Variants in TAFA1 observed in about 807,000 individuals in gnomAD.
TAFA1 encodes the protein TAFA chemokine like family member 1.
In TAFA1, 4 loss-of-function variants were observed where a neutral mutation model predicts 18.5. That is an observed-to-expected ratio of 0.22 (90% confidence interval 0.11 to 0.49). TAFA1 has a LOEUF of 0.49. TAFA1 is among the 20% of genes least tolerant of loss of function. The pLI is 0.98. For synonymous variants in TAFA1, 56 were observed against 55.2 expected, an observed-to-expected ratio of 1.01 and a Z score of -0.06; for missense variants, 147 against 169.0, an observed-to-expected ratio of 0.87 and a Z score of 0.72.
At chr3:68,329,240 G>GTTTTTTTTTTTA (rs2068825498) in intron 2 of TAFA1, among the ~76,000 whole-genome samples, 1 of 55,622 alleles carries the variant, frequency 1.8e-5, no homozygotes, top group Non-Finnish European at 3.5e-5. Context: ...TTTTTTTTTT[G>GTTTTTTTTTTTA]TATTTTTAGT....
intron 2 of TAFA1, among the ~76,000 whole-genome samples, chr3:68,245,770 C>A (rs560352035): frequency 6.6e-6 from 1 of 152,364 alleles, no homozygotes; most frequent in Non-Finnish European, 1.5e-5. Context: ...CCTGCAAGTA[C>A]AGATCACAAA....
intron 3 of TAFA1, among the ~76,000 whole-genome samples, chr3:68,440,403 G>T (rs7612676): frequency 0.66 from 99,619 of 151,996 alleles, 33,214 homozygotes; most frequent in African/African-American, 0.77. Flanking sequence ...AAATTTTAGG[G>T]CACATGATAA....
intron 2 of TAFA1, among the ~76,000 whole-genome samples, chr3:68,121,741 C>T (rs2065401866): frequency 6.6e-6 from 1 of 152,090 alleles, no homozygotes; most frequent in Non-Finnish European, 1.5e-5. Flanking sequence ...CTAGATCTAT[C>T]AAAACGTAGC....
chr3:68,342,328 T>C (rs1313949319), intron 2 of TAFA1, among the ~76,000 whole-genome samples: 1 of 152,222 alleles, frequency 6.6e-6, no homozygotes, highest in Non-Finnish European at 1.5e-5. Flanking sequence ...TTGGCTTTTG[T>C]TTCTCTTGTC....
At chr3:68,455,153 GA>G in intron 3 of TAFA1, among the ~76,000 whole-genome samples, 1 of 152,062 alleles carries the variant, frequency 6.6e-6, no homozygotes, top group South Asian at 2.1e-4. Context: ...TCCTTAAGTG[GA>G]AATGGATCAT....
intron 2 of TAFA1, among the ~76,000 whole-genome samples, chr3:68,398,106 T>A (rs765102404): frequency 7.9e-5 from 12 of 152,280 alleles, no homozygotes; most frequent in Non-Finnish European, 1.6e-4. Flanking sequence ...AGAGCCCGTA[T>A]AGCCAAGACA....
intron 3 of TAFA1, among the ~76,000 whole-genome samples, chr3:68,466,910 A>G (rs2071897380): frequency 6.6e-6 from 1 of 152,188 alleles, no homozygotes. Flanking sequence ...AGGTTCCGTG[A>G]TGCCCCATGA....
the TAFA1 span, among the ~76,000 whole-genome samples, chr3:67,992,510 C>T: frequency 7.2e-5 from 11 of 151,848 alleles, no homozygotes; most frequent in African/African-American, 2.7e-4. Context: ...CATTTCTTGC[C>T]CTTCACTAAA....
chr3:68,367,776 C>T (rs1323994113), intron 2 of TAFA1, among the ~76,000 whole-genome samples: 1 of 149,818 alleles, frequency 6.7e-6, no homozygotes, highest in Non-Finnish European at 1.5e-5. Flanking sequence ...TCTTAAAACT[C>T]CCTGGGTGAT....
At chr3:68,254,901 A>G (rs1044341978) in intron 2 of TAFA1, among the ~76,000 whole-genome samples, 1 of 152,168 alleles carries the variant, frequency 6.6e-6, no homozygotes, top group Non-Finnish European at 1.5e-5. Flanking sequence ...ACACAGTACA[A>G]TAAATAGAAA....
At chr3:67,999,658 T>TC (rs1239118732), upstream of TAFA1, among the ~76,000 whole-genome samples, 1 of 152,114 alleles carries the variant, frequency 6.6e-6, no homozygotes, top group Non-Finnish European at 1.5e-5. Context: ...CCTTTTTTTT[T>TC]CTTCTAGCAA....
chr3:68,062,685 C>A (rs1415928712), intron 2 of TAFA1, among the ~76,000 whole-genome samples: 1 of 152,054 alleles, frequency 6.6e-6, no homozygotes, highest in Non-Finnish European at 1.5e-5. Flanking sequence ...AGAGTGGAGA[C>A]AAATATTTCA....
At chr3:68,521,245 C>T (rs1179557103) in intron 3 of TAFA1, among the ~76,000 whole-genome samples, 1 of 152,304 alleles carries the variant, frequency 6.6e-6, no homozygotes, top group East Asian at 1.9e-4. Context: ...CCCCAGCAGA[C>T]CTTTGCTTGC....
intron 2 of TAFA1, among the ~76,000 whole-genome samples, chr3:68,072,510 C>T (rs1315204329): frequency 6.6e-6 from 1 of 152,004 alleles, no homozygotes; most frequent in Non-Finnish European, 1.5e-5. Flanking sequence ...GTTAAGCAGA[C>T]CTGCAGGAGT....
At chr3:68,386,267 A>C (rs2070102167) in intron 2 of TAFA1, among the ~76,000 whole-genome samples, 1 of 152,170 alleles carries the variant, frequency 6.6e-6, no homozygotes. Context: ...ACAACTAACA[A>C]ATGACACAGC....
rs143340797 is a variant in TAFA1 at position 68,209,076 on chromosome 3, A to G, written c.118+202332A>G. 2.1e-3 allele frequency among the ~76,000 whole-genome samples: 316 copies of G among 152,082 alleles called. 1 individual carries two copies. The highest frequency in any genetic ancestry group is 0.01 in the Middle Eastern group (3 of 294). On this transcript the variant is annotated intron_variant, in intron 2 of 4. Transcript: ENST00000478136. ...AGGGAAACCCACCCAATGACTAGCA[A>G]AAAAATGGGATGATTGGCCATACAA...
intron 2 of TAFA1, among the ~76,000 whole-genome samples, chr3:68,254,159 GTC>G (rs1559579849): frequency 1.0e-3 from 123 of 119,824 alleles, no homozygotes; most frequent in East Asian, 2.9e-3. Context: ...CTATCTATCT[GTC>G]TATCTATCTA....
At chr3:68,461,282 AAAACAAAC>A (rs3037407) in intron 3 of TAFA1, among the ~76,000 whole-genome samples, 72 of 140,206 alleles carry the variant, frequency 5.1e-4, no homozygotes, top group Middle Eastern at 3.5e-3. Context: ...ACTCTGCCAA[AAAACAAAC>A]AAACAAACAA....
chr3:68,348,142 A>C (rs770115016), intron 2 of TAFA1, among the ~76,000 whole-genome samples: 5 of 152,128 alleles, frequency 3.3e-5, no homozygotes, highest in Non-Finnish European at 7.4e-5. Flanking sequence ...TTAGGCCCCT[A>C]CTTCTTGCTA....
Sources: allele counts gnomAD v4.1 joint callset (sites outside exome capture counted in the v4.1 genomes callset), GRCh38; gene constraint gnomAD v4.1.1; transcripts MANE v1.5; gene names NCBI Gene and HGNC (gene_info 2026-07-23, HGNC 2026-07-21).